Variants in HEATR4 observed in about 807,000 individuals in gnomAD.
HEATR4 encodes the protein HEAT repeat containing 4.
A neutral mutation model predicts 108.8 loss-of-function variants in HEATR4; 95 were observed. The observed-to-expected ratio is 0.87, with a 90% CI of 0.74 to 1.04. HEATR4 has a LOEUF of 1.04. Ranked by LOEUF, HEATR4 falls within the 50% of genes least tolerant of loss-of-function variation. The pLI is 0.00. For missense variants in HEATR4, 1,152 were observed against 1,253.8 expected, an observed-to-expected ratio of 0.92 and a Z score of 1.23; for synonymous variants, 443 against 459.4, an observed-to-expected ratio of 0.96 and a Z score of 0.46.
chr14:73,509,959 C>T (rs895460249), intron 7 of HEATR4, among the ~76,000 whole-genome samples: 1 of 148,612 alleles, frequency 6.7e-6, no homozygotes, highest in Non-Finnish European at 1.5e-5. Context: ...CTGCAAGCTC[C>T]GCCTCCTGGG....
chr14:73,509,899 A>T (rs1887134021), intron 7 of HEATR4, among the ~76,000 whole-genome samples: 2 of 130,012 alleles, frequency 1.5e-5, no homozygotes, highest in Non-Finnish European at 3.2e-5. Flanking sequence ...TTTGAGACGG[A>T]GTCTTGTTCT....
chr14:73,545,866 C>T lies in HEATR4; in HGVS notation c.-152+12885G>A, dbSNP rs564352479. ...AGATTCAAAAGCACCACAGATGAGC[C>T]GGTGGTTGTAGAAGTACATGCCTGT... On this transcript the variant is annotated intron_variant, in intron 1 of 17. Transcript: ENST00000553558. 2.8e-4 allele frequency among the ~76,000 whole-genome samples: 32 copies of T among 113,442 alleles called. 8 individuals are homozygous for T. Among genetic ancestry groups the T allele is most frequent in the East Asian group, 1.4e-3 (2 of 1,382 alleles). The allele number at this position is 113,442 out of a possible 152,430, so 74.4% of individuals were successfully genotyped here.
intron 17 of HEATR4, among the ~76,000 whole-genome samples, chr14:73,481,311 C>T (rs754675883): frequency 1.5e-4 from 22 of 151,672 alleles, no homozygotes; most frequent in East Asian, 2.0e-4. Flanking sequence ...TGGCGGTGCA[C>T]GCCTGTAATC....
chr14:73,585,181 C>G, the HEATR4 span, among the ~76,000 whole-genome samples: 1 of 152,232 alleles, frequency 6.6e-6, no homozygotes, highest in African/African-American at 2.4e-5. Context: ...TCCCACTGTT[C>G]CTGTCTCACG....
intron 6 of HEATR4, among the ~76,000 whole-genome samples, chr14:73,513,728 CAAAAAAAA>C (rs747778891): frequency 1.9e-4 from 9 of 46,776 alleles, no homozygotes; most frequent in African/African-American, 5.3e-4. Context: ...ACTACGTCTC[CAAAAAAAA>C]AAAAAAAAAA....
the HEATR4 span, chr14:73,591,691 T>G: frequency 2.6e-6 from 1 of 378,138 alleles, no homozygotes; most frequent in Non-Finnish European, 4.7e-6. Flanking sequence ...GCAGAGAGGC[T>G]TTCTACGGGG....
At chr14:73,508,052 C>A in intron 9 of HEATR4, 82 bp downstream of exon 9, 1 of 1,319,990 alleles carries the variant, frequency 7.6e-7, no homozygotes, top group South Asian at 1.3e-5. Context: ...GCCCCAGCTG[C>A]ATTTCAGATT....
the HEATR4 span, among the ~76,000 whole-genome samples, chr14:73,628,761 A>G: frequency 4.0e-5 from 6 of 151,586 alleles, no homozygotes; most frequent in Admixed American, 1.3e-4. Context: ...CTCAAAAAAA[A>G]AAAAAAATTT....
intron 1 of HEATR4, chr14:73,543,008 T>C: frequency 8.0e-7 from 1 of 1,243,180 alleles, no homozygotes. Context: ...TTCCACTGTT[T>C]GTGGAGCCAT....
Position 73,522,422 on chromosome 14 carries a change from C to T in HEATR4, c.731G>A (p.Ser244Asn). 6.2e-7 allele frequency: 1 copy of T among 1,614,264 alleles called. No homozygotes were observed. Among genetic ancestry groups the T allele is most frequent in the Non-Finnish European group, 8.5e-7 (1 of 1,180,048 alleles). Residue 244 changes from serine to asparagine, a missense_variant, in exon 3 of 18, where the codon AGT becomes AAT. Ser to Asn is a conservative substitution (Grantham distance 46, BLOSUM62 1). Coordinates refer to ENST00000553558, the MANE Select transcript of HEATR4 (RefSeq NM_001220484.1). ...AGAGGTAAGCTCATCCCGAATGTGA[C>T]TCCAGTCGTACTGCTGGCGCAGGAA... ...QSFLRQQYDW[S>N]HIRDELTSAS...
At chr14:73,612,645 G>A in the HEATR4 span, 3 of 1,404,782 alleles carry the variant, frequency 2.1e-6, no homozygotes, top group African/African-American at 3.0e-5. Flanking sequence ...GCAGTGCGCG[G>A]CCTGGCCCCG....
chr14:73,491,422 G>T, intron 17 of HEATR4: 2 of 1,352,760 alleles, frequency 1.5e-6, no homozygotes, highest in Non-Finnish European at 1.9e-6. Flanking sequence ...TGGTGGAGGT[G>T]CCCGCCGCGC....
chr14:73,602,253 T>C, the HEATR4 span, among the ~76,000 whole-genome samples: 1 of 152,124 alleles, frequency 6.6e-6, no homozygotes, highest in Non-Finnish European at 1.5e-5. Context: ...AACATAATTA[T>C]GTGTTGGGAG....
At chr14:73,598,830 C>A in the HEATR4 span, among the ~76,000 whole-genome samples, 4 of 151,988 alleles carry the variant, frequency 2.6e-5, no homozygotes, top group East Asian at 7.7e-4. Flanking sequence ...TGGTGAAACC[C>A]CATCTCTACT....
At chr14:73,496,469 T>C (rs1316390321) in intron 15 of HEATR4, 132 bp downstream of exon 15, 2 of 608,894 alleles carry the variant, frequency 3.3e-6, no homozygotes, top group Non-Finnish European at 5.9e-6. Flanking sequence ...TGATGTGGCA[T>C]CTGTGTCTGG....
the HEATR4 span, among the ~76,000 whole-genome samples, chr14:73,625,743 A>G: frequency 2.6e-5 from 4 of 152,328 alleles, 1 homozygote; most frequent in South Asian, 8.3e-4. Flanking sequence ...CTGCACCCAC[A>G]TAAGATGGTG....
At chr14:73,529,991 CCTCA>C (rs1429991935) in intron 2 of HEATR4, among the ~76,000 whole-genome samples, 171 bp downstream of exon 2, 1 of 140,308 alleles carries the variant, frequency 7.1e-6, no homozygotes, top group Non-Finnish European at 1.5e-5. Flanking sequence ...TGAGACAGGG[CCTCA>C]CTCTGTCACC....
rs555017267 is a variant in HEATR4 at position 73,556,701 on chromosome 14, C to T, written c.-152+2050G>A. ...TAGTTTCCCAATCTGAAAATTGAGT[C>T]TGATACCTGTTCTAATTTAGTGTTG... On this transcript the variant is annotated intron_variant, in intron 1 of 17. Coordinates refer to ENST00000553558, the MANE Select transcript of HEATR4 (RefSeq NM_001220484.1). Among the ~76,000 whole-genome samples, 249 of 114,562 alleles carry T rather than the reference C, an allele frequency of 2.2e-3. 53 individuals are homozygous for T. The highest frequency in any genetic ancestry group is 6.9e-3 in the African/African-American group (245 of 35,518). The allele number at this position is 114,562 out of a possible 152,430, so 75.2% of individuals were successfully genotyped here. A position where few individuals can be genotyped will look rare whatever the true frequency, so the allele number is the denominator to read the frequency against.
the HEATR4 span, chr14:73,595,856 A>G: frequency 2.0e-6 from 1 of 508,308 alleles, no homozygotes; most frequent in Non-Finnish European, 3.2e-6. Flanking sequence ...GAGGCATATG[A>G]CACATATAAG....
Sources: gnomAD v4.1 joint callset for allele counts (sites outside exome capture counted in the v4.1 genomes callset) on GRCh38, gnomAD v4.1.1 for gene constraint, MANE v1.5 for transcripts, NCBI Gene and HGNC (gene_info 2026-07-23, HGNC 2026-07-21) for gene names.